Variants in PHEX observed in about 807,000 individuals in gnomAD.
PHEX encodes phosphate-regulating neutral endopeptidase PHEX.
In PHEX, 16 loss-of-function variants were observed where a neutral mutation model predicts 68.0. The ratio of observed to expected loss-of-function variants is 0.24; its 90% confidence interval spans 0.16 to 0.36. The LOEUF (loss-of-function observed/expected upper bound fraction) is 0.36, where lower values mean the gene tolerates loss of function less well. Among genes scored for constraint, PHEX ranks in the 10% least tolerant of loss-of-function variants. The pLI is 1.00. For missense variants in PHEX, 480 were observed against 575.5 expected, an observed-to-expected ratio of 0.83 and a Z score of 1.70; for synonymous variants, 208 against 205.1, an observed-to-expected ratio of 1.01 and a Z score of -0.12.
chrX:22,108,803 G>A (rs753755794), intron 9 of PHEX, among the ~76,000 whole-genome samples: 1 of 110,408 alleles, frequency 9.1e-6, no homozygotes, highest in Non-Finnish European at 1.9e-5. Context: ...TTAGCCAGTC[G>A]TGGTGGCGGG....
At chrX:22,071,726 G>A (rs1928908593) in intron 3 of PHEX, among the ~76,000 whole-genome samples, 2 of 112,789 alleles carry the variant, frequency 1.8e-5, no homozygotes, top group Admixed American at 1.9e-4. Flanking sequence ...CAAAGGCATG[G>A]TTGTCCACAC....
At chrX:22,059,499 AGTT>A (rs1340492327) in intron 3 of PHEX, among the ~76,000 whole-genome samples, 1 of 112,441 alleles carries the variant, frequency 8.9e-6, no homozygotes, top group Admixed American at 9.4e-5. Context: ...CAGTAAAAAA[AGTT>A]GTGCTGTGTT....
chrX:22,068,765 G>A (rs980021290), intron 3 of PHEX, among the ~76,000 whole-genome samples: 1 of 112,232 alleles, frequency 8.9e-6, no homozygotes. Context: ...TCTTAGGATT[G>A]TTCAGGAACG....
chrX:22,094,513 T>C (rs772464114), intron 7 of PHEX, among the ~76,000 whole-genome samples: 1 of 112,565 alleles, frequency 8.9e-6, no homozygotes, highest in Non-Finnish European at 1.9e-5. Flanking sequence ...CCATGTTTTA[T>C]GCTATCCCCA....
intron 20 of PHEX, among the ~76,000 whole-genome samples, chrX:22,232,932 G>C (rs928717445): frequency 2.7e-5 from 3 of 110,852 alleles, no homozygotes; most frequent in African/African-American, 9.9e-5. Flanking sequence ...TCAGTGGCTG[G>C]TGCCAGTTGT....
At chrX:22,097,233 C>T (rs1418284490) in intron 8 of PHEX, among the ~76,000 whole-genome samples, 195 bp downstream of exon 8, 3 of 112,457 alleles carry the variant, frequency 2.7e-5, no homozygotes, top group African/African-American at 9.7e-5. Context: ...AAACATCTTT[C>T]CAACAGTGGC....
At chrX:22,088,785 C>A (rs1181341273) in intron 5 of PHEX, among the ~76,000 whole-genome samples, 1 of 111,519 alleles carries the variant, frequency 9.0e-6, no homozygotes, top group Admixed American at 9.5e-5. Flanking sequence ...CTTTCAAGAG[C>A]AAATTTGTTC....
At position 22,250,496 on chromosome X, in the gene PHEX, A is replaced by G. The variant is rs1483989113; in HGVS notation, c.*2543A>G. 1.8e-5 allele frequency: 2 copies of G among 112,120 alleles called. No homozygotes were observed. The highest frequency in any genetic ancestry group is 6.5e-5 in the African/African-American group (2 of 30,852). 9.2% of individuals were successfully genotyped at this position (112,120 alleles called of 1,213,427 possible). The stretch of plus-strand genomic sequence containing the variant: ...GATCTCAGACTAGGGCTGCTATAAT[A>G]CAGTTCTCTGATTCGCACACCAGAT... On this transcript the variant is annotated 3_prime_UTR_variant, in exon 22 of 22. Coordinates refer to ENST00000379374, the MANE Select transcript of PHEX (RefSeq NM_000444.6).
intron 20 of PHEX, among the ~76,000 whole-genome samples, chrX:22,230,226 G>GTTT (rs1935668047): frequency 1.5e-5 from 1 of 65,193 alleles, no homozygotes; most frequent in Non-Finnish European, 2.8e-5. Context: ...GGCTATATGG[G>GTTT]CTCTTTTTTT....
intron 9 of PHEX, among the ~76,000 whole-genome samples, chrX:22,101,272 G>A (rs188520508): frequency 1.8e-5 from 2 of 112,509 alleles, no homozygotes; most frequent in African/African-American, 3.2e-5. Flanking sequence ...TGTGTTCTGC[G>A]TATTCTTGTG....
Position 22,099,136 on chromosome X carries a change from G to A in PHEX, c.1064G>A (p.Gly355Glu). 8.3e-7 allele frequency: 1 copy of A among 1,208,627 alleles called. No individual in the cohort carries two copies. Among genetic ancestry groups the A allele is most frequent in the South Asian group, 1.8e-5 (1 of 56,893 alleles). ...QYFKDLFRILGSERKKTIANY... is the reference protein window; with the variant it reads ...QYFKDLFRILESERKKTIANY... The stretch of plus-strand genomic sequence containing the variant: ...TTTAAAGATTTGTTTAGGATATTAG[G>A]GTCTGAGAGAAAGAAGTAAGAACTT... Residue 355 changes from glycine to glutamate, a missense_variant, in exon 9 of 22, where the codon GGG becomes GAG. Physicochemically the swap from Gly to Glu is moderately conservative, Grantham distance 98. Coordinates refer to ENST00000379374, the MANE Select transcript of PHEX (RefSeq NM_000444.6).
At chrX:22,203,987 G>T (rs1251353113) in intron 15 of PHEX, among the ~76,000 whole-genome samples, 1 of 111,307 alleles carries the variant, frequency 9.0e-6, no homozygotes, top group Non-Finnish European at 1.9e-5. Flanking sequence ...CTTATGTTCA[G>T]GGTTCCATCC....
At chrX:22,095,061 G>C (rs1930073418) in intron 7 of PHEX, among the ~76,000 whole-genome samples, 1 of 111,706 alleles carries the variant, frequency 9.0e-6, no homozygotes, top group Non-Finnish European at 1.9e-5. Context: ...ATGTTGATTG[G>C]TTTTGTTTGG....
chrX:22,124,236 T>G (rs1931620678), intron 11 of PHEX, among the ~76,000 whole-genome samples: 1 of 112,049 alleles, frequency 8.9e-6, no homozygotes. Context: ...TATGCAATCT[T>G]CGGTCAAGTA....
intron 16 of PHEX, among the ~76,000 whole-genome samples, chrX:22,216,492 CTTATTTAT>C (rs56899587): frequency 0.084 from 7,409 of 87,918 alleles, 231 homozygotes; most frequent in Non-Finnish European, 0.091. Context: ...TTTTTTTATG[CTTATTTAT>C]TTATTTATTT....
chrX:22,243,014 T>C (rs1412748941), intron 20 of PHEX, among the ~76,000 whole-genome samples: 1 of 111,787 alleles, frequency 8.9e-6, no homozygotes, highest in African/African-American at 3.3e-5. Flanking sequence ...GGCATCACAC[T>C]ACCTGACTTT....
chrX:22,144,414 G>A (rs1257055673), intron 12 of PHEX, among the ~76,000 whole-genome samples: 4 of 110,789 alleles, frequency 3.6e-5, no homozygotes, highest in South Asian at 7.7e-4. Context: ...AAAAATGTAC[G>A]CAAAAATGTA....
At chrX:22,037,627 A>C (rs1322959303) in intron 1 of PHEX, among the ~76,000 whole-genome samples, 5 of 109,130 alleles carry the variant, frequency 4.6e-5, no homozygotes, top group Non-Finnish European at 9.5e-5. Flanking sequence ...TCAATTTTAG[A>C]CTTTTTTTTT....
Position 22,034,057 on chromosome X carries a change from A to G in PHEX, c.118+934A>G, listed in dbSNP as rs761945050. Among the ~76,000 whole-genome samples the G allele has an allele frequency of 2.7e-5, 3 of 112,258 alleles. No homozygotes were observed. The South Asian group carries it at 1.1e-3, about 41-fold the overall frequency. On this transcript the variant is annotated intron_variant, in intron 1 of 21. Coordinates refer to ENST00000379374, the MANE Select transcript of PHEX (RefSeq NM_000444.6). ...TGTGTGGTTGAAAACTGCTAAAATG[A>G]GCAAACCATCTTTCCACGCTTTCTG...
Sources: allele counts gnomAD v4.1 joint callset (sites outside exome capture counted in the v4.1 genomes callset), GRCh38; gene constraint gnomAD v4.1.1; transcripts MANE v1.5; gene names NCBI Gene and HGNC (gene_info 2026-07-23, HGNC 2026-07-21).